PCLO: variants seen among roughly 807,000 people sequenced by gnomAD.
The protein encoded by PCLO is piccolo presynaptic cytomatrix protein.
A neutral mutation model predicts 427.5 loss-of-function variants in PCLO; 82 were observed. The ratio of observed to expected loss-of-function variants is 0.19; its 90% confidence interval spans 0.16 to 0.23. The LOEUF (loss-of-function observed/expected upper bound fraction) is 0.23, where lower values mean the gene tolerates loss of function less well. Among genes scored for constraint, PCLO ranks in the 10% least tolerant of loss-of-function variants. PCLO has a pLI of 1.00. For missense variants in PCLO, 6,239 were observed against 6,115.9 expected, an observed-to-expected ratio of 1.02 and a Z score of -0.67; for synonymous variants, 2,357 against 2,155.4, an observed-to-expected ratio of 1.09 and a Z score of -2.59.
chr7:83,112,900 G>A (rs1046801295), intron 3 of PCLO, among the ~76,000 whole-genome samples: 5 of 152,080 alleles, frequency 3.3e-5, no homozygotes, highest in Non-Finnish European at 5.9e-5. Flanking sequence ...TTTCAAGCCC[G>A]GAGTAAAGAC....
At chr7:83,120,668 G>C (rs1791254012) in intron 3 of PCLO, among the ~76,000 whole-genome samples, 1 of 152,082 alleles carries the variant, frequency 6.6e-6, no homozygotes. Context: ...AAACCTTAAA[G>C]GCCAGGAGAG....
Position 82,838,443 on chromosome 7 carries a change from C to T in PCLO, c.14098-101G>A, listed in dbSNP as rs1460637679. Reference sequence around the variant, plus strand: ...TTTTAAAGAAAATTCTTATAAGAAGCATCAACTTTCATTTTCATTTTATTT... The same window carrying T: ...TTTTAAAGAAAATTCTTATAAGAAGTATCAACTTTCATTTTCATTTTATTT... On this transcript the variant is annotated intron_variant, in intron 14 of 24. Transcript: ENST00000333891. 4.6e-6 allele frequency: 3 copies of T among 659,168 alleles called. No homozygotes were observed. In the East Asian group the frequency reaches 9.2e-5, roughly 20 times the overall value. The allele number at this position is 659,168 out of a possible 1,614,324, so 40.8% of individuals were successfully genotyped here.
chr7:82,978,508 T>G (rs1043433268), intron 3 of PCLO, among the ~76,000 whole-genome samples: 25 of 152,094 alleles, frequency 1.6e-4, no homozygotes, highest in African/African-American at 6.0e-4. Context: ...TTCTATGATA[T>G]TCCTATTGTT....
chr7:82,841,349 T>C (rs1792360343), intron 14 of PCLO, 110 bp downstream of exon 14: 34 of 705,886 alleles, frequency 4.8e-5, no homozygotes, highest in South Asian at 4.8e-4. Context: ...CAGTTCTGTA[T>C]ATATTACAGA....
At chr7:83,128,444 C>T (rs561513016) in intron 3 of PCLO, among the ~76,000 whole-genome samples, 4 of 152,258 alleles carry the variant, frequency 2.6e-5, no homozygotes, top group South Asian at 2.1e-4. Context: ...GCACAGCGTT[C>T]ATCAGCACAC....
intron 6 of PCLO, among the ~76,000 whole-genome samples, chr7:82,923,413 C>G (rs1409787880): frequency 6.6e-6 from 1 of 151,940 alleles, no homozygotes; most frequent in Non-Finnish European, 1.5e-5. Context: ...CAAAAGCAAA[C>G]TACATATTAA....
At chr7:83,037,649 T>C (rs1027679774) in intron 3 of PCLO, among the ~76,000 whole-genome samples, 1 of 151,494 alleles carries the variant, frequency 6.6e-6, no homozygotes, top group Non-Finnish European at 1.5e-5. Context: ...TTTTTTTTTA[T>C]AGTAAATAAA....
intron 4 of PCLO, among the ~76,000 whole-genome samples, chr7:82,964,127 C>T (rs561568727): frequency 6.6e-6 from 1 of 151,942 alleles, no homozygotes; most frequent in Non-Finnish European, 1.5e-5. Context: ...AATTAGATTG[C>T]TCAAATAATT....
chr7:82,947,390 T>G (rs918696008), intron 6 of PCLO, among the ~76,000 whole-genome samples: 1 of 151,710 alleles, frequency 6.6e-6, no homozygotes, highest in African/African-American at 2.4e-5. Context: ...CACATCACTA[T>G]GAATATCCCT....
chr7:82,889,028 G>C (rs1793695308), intron 9 of PCLO, among the ~76,000 whole-genome samples: 1 of 150,526 alleles, frequency 6.6e-6, no homozygotes, highest in Non-Finnish European at 1.5e-5. Flanking sequence ...AAGGGGGTGA[G>C]GGGTTTCTGT....
intron 23 of PCLO, 27 bp downstream of exon 23, chr7:82,761,332 A>T (rs779809611): frequency 7.8e-7 from 1 of 1,283,742 alleles, no homozygotes; most frequent in South Asian, 1.4e-5. Context: ...ATCTAGATAT[A>T]TTGATGATTA....
rs540000677 is a variant in PCLO at position 82,822,759 on chromosome 7, A to G, written c.14597-70T>C. ...TCCTCCTATCAAGCTTGGTTTACAC[A>G]TAATTTGAAACTGCCTAAAATTTAT... On this transcript the variant is annotated intron_variant, in intron 19 of 24. Transcript: ENST00000333891. 48 of 1,358,920 alleles carry G rather than the reference A, an allele frequency of 3.5e-5. No homozygotes were observed. In the African/African-American group the frequency reaches 4.7e-4, roughly 13 times the overall value. The allele number at this position is 1,358,920 out of a possible 1,614,324, so 84.2% of individuals were successfully genotyped here.
chr7:82,958,468 T>C (rs1162590491), intron 4 of PCLO, among the ~76,000 whole-genome samples: 1 of 151,966 alleles, frequency 6.6e-6, no homozygotes, highest in Non-Finnish European at 1.5e-5. Flanking sequence ...TCATTTTACA[T>C]TCATTTTCAT....
intron 21 of PCLO, among the ~76,000 whole-genome samples, chr7:82,803,832 C>T (rs1276444020): frequency 2.0e-5 from 3 of 152,044 alleles, no homozygotes; most frequent in South Asian, 2.1e-4. Flanking sequence ...AGTAAATATT[C>T]GTTGTGCTCA....
Position 82,950,703 on chromosome 7 carries a change from C to T in PCLO, c.9885G>A (p.Gln3295=), listed in dbSNP as rs1162330066. 1 of 1,613,746 alleles carries T rather than the reference C, an allele frequency of 6.2e-7. No individual in the cohort carries two copies. The highest frequency in any genetic ancestry group is 2.2e-5 in the East Asian group (1 of 44,844). Residue 3295 remains glutamine, a synonymous_variant, in exon 6 of 25, where the codon CAG becomes CAA. Coordinates refer to ENST00000333891, the MANE Select transcript of PCLO (RefSeq NM_033026.6). Reference sequence around the variant, plus strand: ...GAAGCTGTTGTTGCAGCTGTTGGATCTGCTCAAGCTGTAACTGTTGCTGAG... The same window carrying T: ...GAAGCTGTTGTTGCAGCTGTTGGATTTGCTCAAGCTGTAACTGTTGCTGAG... ...TLAQQQLQLE[Q]IQQLQQQLHQ... is the part of the protein sequence containing the mutation.
chr7:83,125,310 G>A (rs1293774680), intron 3 of PCLO, among the ~76,000 whole-genome samples: 3 of 152,050 alleles, frequency 2.0e-5, no homozygotes, highest in East Asian at 1.9e-4. Flanking sequence ...CTGGAAGGTG[G>A]GGGGCACCCC....
At chr7:82,769,782 A>G (rs1037058373) in intron 22 of PCLO, among the ~76,000 whole-genome samples, 1 of 152,120 alleles carries the variant, frequency 6.6e-6, no homozygotes, top group Non-Finnish European at 1.5e-5. Context: ...TAGCTAATGA[A>G]GTCTGAATTG....
chr7:83,123,815 G>C (rs1371705259), intron 3 of PCLO, among the ~76,000 whole-genome samples: 1 of 152,022 alleles, frequency 6.6e-6, no homozygotes, highest in Admixed American at 6.6e-5. Context: ...AAAAGGGTCA[G>C]GCGCAGTGGC....
rs1374951543 is a variant in PCLO, at chr7:82,956,843, T to C, written c.4110A>G (p.Ile1370Met). ...LSDTGYSSDG[I>M]SSSLGEIPSL... ...TTGGAATTTCACCAAGTGAGCTTGA[T>C]ATTCCATCGGAAGAATATCCCGTGT... The change falls in exon 5 of 25, where the codon ATA becomes ATG. Residue 1370 changes from isoleucine (I) to methionine (M), a missense_variant. Transcript: ENST00000333891. 1 of 1,613,782 alleles carries C rather than the reference T, an allele frequency of 6.2e-7. No homozygotes were observed. Among genetic ancestry groups the C allele is most frequent in the African/African-American group, 1.3e-5 (1 of 74,942 alleles).
Sources: allele counts gnomAD v4.1 joint callset (sites outside exome capture counted in the v4.1 genomes callset), GRCh38; gene constraint gnomAD v4.1.1; transcripts MANE v1.5; gene names NCBI Gene and HGNC (gene_info 2026-07-23, HGNC 2026-07-21).